The following TSHZ2 variants were observed in gnomAD, a reference collection of about 807,000 sequenced individuals.
TSHZ2 encodes the protein teashirt zinc finger homeobox 2.
TSHZ2 carries 21 observed loss-of-function variants against 74.4 expected under a neutral mutation model. That is an observed-to-expected ratio of 0.28 (90% CI 0.20 to 0.41). The LOEUF (loss-of-function observed/expected upper bound fraction) is 0.41, where lower values mean the gene tolerates loss of function less well. TSHZ2 is among the 10% of genes least tolerant of loss of function. The pLI is 1.00. For synonymous variants in TSHZ2, 540 were observed against 515.3 expected, an observed-to-expected ratio of 1.05 and a Z score of -0.65; for missense variants, 1,244 against 1,293.5, an observed-to-expected ratio of 0.96 and a Z score of 0.59.
At chr20:53,159,194 G>T (rs1987867830) in intron 1 of TSHZ2, among the ~76,000 whole-genome samples, 1 of 152,320 alleles carries the variant, frequency 6.6e-6, no homozygotes, top group Non-Finnish European at 1.5e-5. Flanking sequence ...AGTTCATAAA[G>T]CAAGGCAGGG....
At chr20:53,193,634 A>G (rs1002011057) in intron 1 of TSHZ2, among the ~76,000 whole-genome samples, 2 of 152,222 alleles carry the variant, frequency 1.3e-5, no homozygotes, top group Non-Finnish European at 2.9e-5. Flanking sequence ...AATGGGTTGA[A>G]TTCATACAGG....
chr20:53,482,108 TAAAAAAAAAA>T lies in TSHZ2; in HGVS notation c.*9-5019_*9-5010del, dbSNP rs570413572. On this transcript the variant is annotated intron_variant, in intron 2 of 2. Coordinates refer to ENST00000371497, the MANE Select transcript of TSHZ2 (RefSeq NM_173485.6). ...GCAACAAGAGCGAAACTCCATCTCA[TAAAAAAAAAA>T]AAAAAAAAAAAAAAAAGTAACTATA... 1.0e-3 allele frequency among the ~76,000 whole-genome samples: 77 copies of T among 74,350 alleles called. 1 individual carries two copies. The highest frequency in any genetic ancestry group is 3.0e-3 in the African/African-American group (63 of 21,088). The allele number at this position is 74,350 out of a possible 152,430, so 48.8% of individuals were successfully genotyped here.
intron 2 of TSHZ2, among the ~76,000 whole-genome samples, chr20:53,472,309 G>C (rs981196620): frequency 1.3e-5 from 2 of 152,218 alleles, no homozygotes; most frequent in African/African-American, 2.4e-5. Flanking sequence ...TGGAAATACA[G>C]TTCGGGAGGA....
At chr20:53,311,219 A>G (rs1978770537) in intron 2 of TSHZ2, among the ~76,000 whole-genome samples, 1 of 152,254 alleles carries the variant, frequency 6.6e-6, no homozygotes, top group Non-Finnish European at 1.5e-5. Context: ...AGCCATTCAT[A>G]AAGTACAGTG....
At chr20:53,115,989 C>T (rs1322418531) in intron 1 of TSHZ2, among the ~76,000 whole-genome samples, 2 of 152,136 alleles carry the variant, frequency 1.3e-5, no homozygotes, top group African/African-American at 2.4e-5. Flanking sequence ...GCTGTGGTTA[C>T]AGTCAAGGAA....
Position 52,972,998 on chromosome 20 carries a change from AC to A in TSHZ2, c.-295del, listed in dbSNP as rs1203823928. 1 of 387,574 alleles carries A rather than the reference AC, an allele frequency of 2.6e-6. No individual in the cohort carries two copies. The highest frequency in any genetic ancestry group is 4.5e-6 in the Non-Finnish European group (1 of 220,344). The allele number at this position is 387,574 out of a possible 1,614,324, so 24.0% of individuals were successfully genotyped here. On this transcript the variant is annotated 5_prime_UTR_variant, in exon 1 of 3. The change creates a premature stop within an existing upstream ORF in the 5' untranslated region. Transcript: ENST00000371497. Reference sequence around the variant, plus strand: ...AACCAAAAAAATTCCAAAAGCAAAAACAAAAAAGAGAGAGGAAAAAAAATTC... The same window carrying A: ...AACCAAAAAAATTCCAAAAGCAAAAAAAAAAAGAGAGAGGAAAAAAAATTC...
intron 2 of TSHZ2, among the ~76,000 whole-genome samples, chr20:53,309,620 T>C (rs1179528799): frequency 6.6e-6 from 1 of 152,234 alleles, no homozygotes; most frequent in Non-Finnish European, 1.5e-5. Flanking sequence ...ATATGTCATG[T>C]ACATCTCCCA....
At chr20:53,145,919 G>T (rs906703589) in intron 1 of TSHZ2, among the ~76,000 whole-genome samples, 1 of 152,128 alleles carries the variant, frequency 6.6e-6, no homozygotes, top group Non-Finnish European at 1.5e-5. Flanking sequence ...AAAGCACTTG[G>T]ACTGCTGTCT....
At chr20:53,083,375 C>T (rs1236636785) in intron 1 of TSHZ2, among the ~76,000 whole-genome samples, 1 of 152,160 alleles carries the variant, frequency 6.6e-6, no homozygotes, top group Non-Finnish European at 1.5e-5. Flanking sequence ...TTGTAAATAG[C>T]TTTCCAAATT....
At chr20:53,116,126 T>C (rs374738740) in intron 1 of TSHZ2, among the ~76,000 whole-genome samples, 1 of 152,360 alleles carries the variant, frequency 6.6e-6, no homozygotes, top group East Asian at 1.9e-4. Context: ...ATGGAGATAA[T>C]CTTTAATGGT....
chr20:53,387,387 G>A (rs755895967), intron 2 of TSHZ2, among the ~76,000 whole-genome samples: 6 of 152,194 alleles, frequency 3.9e-5, no homozygotes, highest in Non-Finnish European at 8.8e-5. Context: ...ATTCTATGTG[G>A]GGATATTCTT....
chr20:53,323,227 C>T (rs1979343625), intron 2 of TSHZ2, among the ~76,000 whole-genome samples: 1 of 152,184 alleles, frequency 6.6e-6, no homozygotes, highest in Non-Finnish European at 1.5e-5. Context: ...CCTATCTGAG[C>T]TGCTAAGCCA....
chr20:53,475,175 A>G (rs1985955086), intron 2 of TSHZ2, among the ~76,000 whole-genome samples: 7 of 140,378 alleles, frequency 5.0e-5, no homozygotes, highest in Admixed American at 4.3e-4. Flanking sequence ...ACATCTACAT[A>G]ACTCTCCACC....
chr20:53,236,445 T>C (rs1212808872), intron 1 of TSHZ2, among the ~76,000 whole-genome samples: 1 of 152,234 alleles, frequency 6.6e-6, no homozygotes, highest in African/African-American at 2.4e-5. Context: ...AATGCAAGAT[T>C]TGTCTAGGAA....
chr20:53,329,386 G>A (rs572174937), intron 2 of TSHZ2, among the ~76,000 whole-genome samples: 5 of 152,300 alleles, frequency 3.3e-5, no homozygotes, highest in African/African-American at 7.2e-5. Context: ...AAAGCAGGAT[G>A]TATGGGGGCG....
intron 1 of TSHZ2, among the ~76,000 whole-genome samples, chr20:53,048,663 T>C (rs769768521): frequency 1.4e-4 from 22 of 152,312 alleles, no homozygotes; most frequent in Non-Finnish European, 2.9e-4. Context: ...CAGCAGCTCA[T>C]CACCATCAGT....
At position 53,266,403 on chromosome 20, in the gene TSHZ2, G is replaced by A. The variant is rs376640914; in HGVS notation, c.*8+9832G>A. Among the ~76,000 whole-genome samples the A allele has an allele frequency of 1.1e-4, 17 of 152,296 alleles. No individual in the cohort carries two copies. The South Asian group carries it at 3.5e-3, about 32-fold the overall frequency. ...TTTCACTAATTTGATGTAAATAACT[G>A]TACACTCAAGCTCTGACAATGCTGG... On this transcript the variant is annotated intron_variant, in intron 2 of 2. Coordinates refer to ENST00000371497, the MANE Select transcript of TSHZ2 (RefSeq NM_173485.6).
At chr20:52,988,904 G>A (rs968803130) in intron 1 of TSHZ2, among the ~76,000 whole-genome samples, 2 of 151,970 alleles carry the variant, frequency 1.3e-5, no homozygotes, top group Admixed American at 6.6e-5. Flanking sequence ...GACTCTTCCT[G>A]GCCATCAAAA....
intron 2 of TSHZ2, among the ~76,000 whole-genome samples, chr20:53,362,003 T>C (rs1222258871): frequency 6.7e-6 from 1 of 150,188 alleles, no homozygotes; most frequent in Non-Finnish European, 1.5e-5. Context: ...CACTGCAACC[T>C]CCACCTCCCA....
Sources: gnomAD v4.1 joint callset for allele counts (sites outside exome capture counted in the v4.1 genomes callset) on GRCh38, gnomAD v4.1.1 for gene constraint, MANE v1.5 for transcripts, NCBI Gene and HGNC (gene_info 2026-07-23, HGNC 2026-07-21) for gene names.